Variants in MDGA2 observed in about 807,000 individuals in gnomAD.
The protein encoded by MDGA2 is MAM domain containing glycosylphosphatidylinositol anchor 2.
MDGA2 carries 40 observed loss-of-function variants against 117.8 expected under a neutral mutation model. The observed-to-expected ratio is 0.34, with a 90% CI of 0.26 to 0.44. The LOEUF (loss-of-function observed/expected upper bound fraction) is 0.44. MDGA2 is among the 20% of genes least tolerant of loss of function. The pLI is 1.00. For missense variants in MDGA2, 1,123 were observed against 1,250.6 expected, an observed-to-expected ratio of 0.90 and a Z score of 1.54; for synonymous variants, 452 against 439.0, an observed-to-expected ratio of 1.03 and a Z score of -0.37.
intron 1 of MDGA2, among the ~76,000 whole-genome samples, chr14:47,438,225 G>C (rs1315242976): frequency 6.6e-6 from 1 of 152,108 alleles, no homozygotes; most frequent in Non-Finnish European, 1.5e-5. Flanking sequence ...TCTAAAAATA[G>C]AATAATCTAA....
chr14:46,957,557 A>G lies in MDGA2; in HGVS notation c.1906T>C (p.Tyr636His). ...TCATAGGTCAGCACCCGTATTGGAT[A>G]GGCTCTCAGTACTCTGCAACTCATA... ...VTMSCRVLRA[Y>H]PIRVLTYEWR... The change falls in exon 9 of 17, where the codon TAT (tyrosine) becomes CAT (histidine). Residue 636 changes from tyrosine (Y) to histidine (H), a missense_variant. Physicochemically the swap from Tyr to His is moderately conservative, Grantham distance 83. Coordinates refer to ENST00000399232, the MANE Select transcript of MDGA2 (RefSeq NM_001113498.3). The G allele has an allele frequency of 6.2e-7, 1 of 1,614,162 alleles. No individual in the cohort carries two copies. The highest frequency in any genetic ancestry group is 8.5e-7 in the Non-Finnish European group (1 of 1,180,014).
At chr14:47,055,664 T>C (rs562469404) in intron 7 of MDGA2, among the ~76,000 whole-genome samples, 3 of 152,272 alleles carry the variant, frequency 2.0e-5, no homozygotes, top group African/African-American at 4.8e-5. Flanking sequence ...TCTGAATTAA[T>C]AGGATATCAA....
intron 2 of MDGA2, among the ~76,000 whole-genome samples, chr14:47,232,446 T>C (rs1023872069): frequency 2.0e-5 from 3 of 152,060 alleles, no homozygotes; most frequent in Non-Finnish European, 4.4e-5. Flanking sequence ...ACTTTATGTT[T>C]TGTAAGGAAT....
intron 1 of MDGA2, among the ~76,000 whole-genome samples, chr14:47,451,297 T>C (rs978277855): frequency 6.6e-6 from 1 of 152,162 alleles, no homozygotes; most frequent in African/African-American, 2.4e-5. Context: ...AGGGAAAAAC[T>C]TTAGTGAATC....
intron 10 of MDGA2, among the ~76,000 whole-genome samples, chr14:46,919,283 G>C (rs1884031113): frequency 6.6e-6 from 1 of 152,182 alleles, no homozygotes; most frequent in African/African-American, 2.4e-5. Context: ...GGTTTTGGGA[G>C]AGAGCTAAAA....
At chr14:47,563,141 T>G (rs751355521) in intron 1 of MDGA2, among the ~76,000 whole-genome samples, 3 of 152,118 alleles carry the variant, frequency 2.0e-5, no homozygotes, top group Non-Finnish European at 4.4e-5. Context: ...TTTCTGAGGA[T>G]TGCTTGATGT....
At chr14:47,526,173 C>A (rs888282593) in intron 1 of MDGA2, among the ~76,000 whole-genome samples, 1 of 152,028 alleles carries the variant, frequency 6.6e-6, no homozygotes, top group African/African-American at 2.4e-5. Flanking sequence ...CATACTTAGG[C>A]GTTCCTGATA....
chr14:47,406,141 ACT>A (rs1349133615), intron 1 of MDGA2, among the ~76,000 whole-genome samples: 1 of 152,088 alleles, frequency 6.6e-6, no homozygotes, highest in Non-Finnish European at 1.5e-5. Context: ...AAAAGGTTAT[ACT>A]CTCACACTGC....
At chr14:47,638,682 GT>G (rs1432766207) in intron 1 of MDGA2, among the ~76,000 whole-genome samples, 1 of 151,990 alleles carries the variant, frequency 6.6e-6, no homozygotes, top group African/African-American at 2.4e-5. Context: ...TCCTACCCTA[GT>G]CCAAACCACA....
At chr14:47,103,011 G>A (rs1043151630) in intron 5 of MDGA2, among the ~76,000 whole-genome samples, 5 of 152,054 alleles carry the variant, frequency 3.3e-5, no homozygotes, top group Admixed American at 6.5e-5. Flanking sequence ...AGGGGTAGGC[G>A]GTAAGTGAAA....
At chr14:47,096,567 T>A (rs1253530813) in intron 6 of MDGA2, among the ~76,000 whole-genome samples, 1 of 152,036 alleles carries the variant, frequency 6.6e-6, no homozygotes, top group Non-Finnish European at 1.5e-5. Flanking sequence ...AGCCACATTT[T>A]TTCTTTCAAT....
chr14:47,193,151 T>C lies in MDGA2; in HGVS notation c.595+24870A>G, dbSNP rs949917886. On this transcript the variant is annotated intron_variant, in intron 3 of 16. Coordinates refer to ENST00000399232, the MANE Select transcript of MDGA2 (RefSeq NM_001113498.3). ...AACTTTCTCAGTCCTCTCGAAAAAG[T>C]AAGATTTCAGTAATCGAATGCAACT... Among the ~76,000 whole-genome samples, 5 of 152,352 alleles carry C rather than the reference T, an allele frequency of 3.3e-5. No individual in the cohort carries two copies. The East Asian group carries it at 9.6e-4, about 29-fold the overall frequency.
intron 14 of MDGA2, 68 bp downstream of exon 14, chr14:46,873,365 T>C: frequency 7.2e-7 from 1 of 1,388,670 alleles, no homozygotes; most frequent in Non-Finnish European, 9.6e-7. Flanking sequence ...TAATGCTGTG[T>C]GTTTATGAAC....
intron 9 of MDGA2, among the ~76,000 whole-genome samples, chr14:46,936,695 CAGA>C (rs1566534311): frequency 6.6e-6 from 1 of 151,510 alleles, no homozygotes; most frequent in African/African-American, 2.4e-5. Flanking sequence ...TCAATAGACA[CAGA>C]AGAAGCATTT....
intron 7 of MDGA2, among the ~76,000 whole-genome samples, chr14:47,048,458 TA>T (rs1889341406): frequency 6.6e-6 from 1 of 152,242 alleles, no homozygotes; most frequent in African/African-American, 2.4e-5. Context: ...AAAATTTTAT[TA>T]CTTCTGCAAT....
intron 2 of MDGA2, among the ~76,000 whole-genome samples, chr14:47,288,307 G>A (rs761141796): frequency 1.3e-5 from 2 of 152,134 alleles, no homozygotes; most frequent in Non-Finnish European, 2.9e-5. Flanking sequence ...AAAATGACCT[G>A]TAAGTTTGAC....
chr14:47,197,803 G>A (rs748291507), intron 3 of MDGA2, among the ~76,000 whole-genome samples: 92 of 152,132 alleles, frequency 6.0e-4, no homozygotes, highest in Non-Finnish European at 8.5e-4. Context: ...CAGCTACTCA[G>A]GAGGCTGAGG....
intron 8 of MDGA2, among the ~76,000 whole-genome samples, chr14:46,998,347 G>C (rs1887376553): frequency 6.6e-6 from 1 of 152,116 alleles, no homozygotes; most frequent in Non-Finnish European, 1.5e-5. Flanking sequence ...CAAGTCAACT[G>C]TAAGAAGGGT....
chr14:47,248,215 A>T lies in MDGA2; in HGVS notation c.421-30020T>A, dbSNP rs532282181. Among the ~76,000 whole-genome samples, 387 of 151,462 alleles carry T rather than the reference A, an allele frequency of 2.6e-3. 10 individuals are homozygous for T. Among genetic ancestry groups the T allele is most frequent in the Non-Finnish European group, 4.2e-3 (283 of 67,684 alleles). On this transcript the variant is annotated intron_variant, in intron 2 of 16. Transcript: ENST00000399232. ...TTGTTAAATAAGTGAAAAAATAAAT[A>T]AAAAAAATAAATATAACATATATTA...
Sources: gnomAD v4.1 joint callset for allele counts (sites outside exome capture counted in the v4.1 genomes callset) on GRCh38, gnomAD v4.1.1 for gene constraint, MANE v1.5 for transcripts, NCBI Gene and HGNC (gene_info 2026-07-23, HGNC 2026-07-21) for gene names.